Variants in OR10A2 observed in about 807,000 individuals in gnomAD.
OR10A2 encodes the protein olfactory receptor family 10 subfamily A member 2.
Under a neutral mutation model 13.7 loss-of-function variants are expected in OR10A2, and 15 were observed. The observed-to-expected ratio is 1.10, with a 90% CI of 0.73 to 1.69. OR10A2 has a LOEUF of 1.69. OR10A2 is among the 40% of genes most tolerant of loss of function. OR10A2 has a pLI of 0.00. For synonymous variants in OR10A2, 145 were observed against 144.7 expected (o/e 1.00, Z -0.02); for missense variants, 343 against 361.1 (o/e 0.95, Z 0.41).
chr11:6,865,194 GA>G (rs1437618310), intron 1 of OR10A2, among the ~76,000 whole-genome samples: 4 of 146,102 alleles, frequency 2.7e-5, no homozygotes, highest in Non-Finnish European at 6.0e-5. Flanking sequence ...TATATATTTA[GA>G]AAATTTGGAA....
rs763624340 is a variant in OR10A2 at position 6,869,924 on chromosome 11, A to T, written c.170A>T (p.Glu57Val). Residue 57 changes from glutamate to valine, a missense_variant, in exon 2 of 2, where the codon GAG becomes GTG. Glu to Val is a moderately radical substitution (Grantham distance 121). Transcript: ENST00000641461. ...TTCCTCAGAAACTTATCTTTCCTGG[A>T]GATTGGCTTCAACCTAGTCATTGTG... ...YFFLRNLSFL[E>V]IGFNLVIVPK... 10 of 1,614,024 alleles carry T rather than the reference A, an allele frequency of 6.2e-6. No individual in the cohort carries two copies. Among genetic ancestry groups the T allele is most frequent in the Non-Finnish European group, 1.7e-6 (2 of 1,180,018 alleles).
Position 6,869,881 on chromosome 11 carries a change from C to T in OR10A2, c.127C>T (p.His43Tyr), listed in dbSNP as rs747219274. The T allele has an allele frequency of 2.2e-5, 36 of 1,614,056 alleles. No individual in the cohort carries two copies. Among genetic ancestry groups the T allele is most frequent in the Non-Finnish European group, 2.8e-5 (33 of 1,180,006 alleles). ...GGTTACCCTAGCTGACCCCATGCTA[C>T]ACAGCCCCATGTACTTCTTCCTCAG... ...ILVTLADPML[H>Y]SPMYFFLRNL... The change falls in exon 2 of 2, where the codon CAC becomes TAC. Residue 43 changes from histidine to tyrosine, a missense_variant. His to Tyr is a moderately conservative substitution (Grantham distance 83). Coordinates refer to ENST00000641461, the MANE Select transcript of OR10A2 (RefSeq NM_001004460.2).
chr11:6,867,710 T>A (rs1195832959), intron 1 of OR10A2, among the ~76,000 whole-genome samples: 1 of 152,176 alleles, frequency 6.6e-6, no homozygotes, highest in African/African-American at 2.4e-5. Context: ...CTGGCTTGCC[T>A]TGGAATGACA....
Position 6,870,780 on chromosome 11 carries a change from G to C in OR10A2, c.*114G>C. ...TAAGATGAAGTCCTGTTGCTGAAAT[G>C]GCTTTTGGAAAGCTGAGTGGAGAGA... On this transcript the variant is annotated 3_prime_UTR_variant, in exon 2 of 2. Coordinates refer to ENST00000641461, the MANE Select transcript of OR10A2 (RefSeq NM_001004460.2). 1.1e-6 allele frequency: 1 copy of C among 922,426 alleles called. No homozygotes were observed. The allele number at this position is 922,426 out of a possible 1,614,324, so 57.1% of individuals were successfully genotyped here. A position where few individuals can be genotyped will look rare whatever the true frequency, so the allele number is the denominator to read the frequency against.
In OR10A2 at chr11:6,872,750, A is replaced by G. The variant is rs1400507589; in HGVS notation, c.*2084A>G. ...CAATCCTTCTGCCTGAACCTCTCAA[A>G]GTGCTGGGATTATAAGTGTGAGCCA... On this transcript the variant is annotated 3_prime_UTR_variant, in exon 2 of 2. Transcript: ENST00000641461. 1.3e-5 allele frequency: 2 copies of G among 151,868 alleles called. No homozygotes were observed. The highest frequency in any genetic ancestry group is 6.6e-5 in the Admixed American group (1 of 15,242). 9.4% of individuals were successfully genotyped at this position (151,868 alleles called of 1,614,324 possible). A position where few individuals can be genotyped will look rare whatever the true frequency, so the allele number is the denominator to read the frequency against.
rs552769418 is a variant in OR10A2 at position 6,873,535 on chromosome 11, G to C, written c.*2869G>C. On this transcript the variant is annotated 3_prime_UTR_variant, in exon 2 of 2. Transcript: ENST00000641461. ...TAGTTTCAGGGAAAGGATTCCAACA[G>C]AAGAGTGCCACATGCACAAACACAG... The C allele has an allele frequency of 6.6e-5, 10 of 152,334 alleles. No individual in the cohort carries two copies. In the East Asian group the frequency reaches 1.7e-3, roughly 26 times the overall value. 9.4% of individuals were successfully genotyped at this position (152,334 alleles called of 1,614,324 possible).
intron 1 of OR10A2, among the ~76,000 whole-genome samples, chr11:6,867,478 C>G (rs556535926): frequency 7.2e-4 from 110 of 152,264 alleles, no homozygotes; most frequent in Middle Eastern, 3.4e-3. Flanking sequence ...TCCCAAAGTG[C>G]TGGGATTACA....
In OR10A2 at chr11:6,867,352, C is replaced by G. The variant is rs1376024688; in HGVS notation, c.-132-2271C>G. ...TCAGCCTCCCAAGTAGCTGAGATTACAGCCATGTGCCACCACGGCCAGCTA... is the reference window on the plus strand; with the variant it reads ...TCAGCCTCCCAAGTAGCTGAGATTAGAGCCATGTGCCACCACGGCCAGCTA... On this transcript the variant is annotated intron_variant, in intron 1 of 1. Transcript: ENST00000641461. Among the ~76,000 whole-genome samples, 3 of 152,102 alleles carry G rather than the reference C, an allele frequency of 2.0e-5. No homozygotes were observed. The East Asian group carries it at 5.8e-4, about 29-fold the overall frequency.
intron 1 of OR10A2, among the ~76,000 whole-genome samples, chr11:6,865,919 G>A (rs2133067900): frequency 6.6e-6 from 1 of 152,188 alleles, no homozygotes. Context: ...CTTCCCTCTT[G>A]TCCCCACCCT....
chr11:6,866,862 A>G (rs1351611025), intron 1 of OR10A2, among the ~76,000 whole-genome samples: 2 of 152,178 alleles, frequency 1.3e-5, no homozygotes, highest in Non-Finnish European at 2.9e-5. Flanking sequence ...TGGTTCAAAA[A>G]GTCATCTCTT....
intron 1 of OR10A2, among the ~76,000 whole-genome samples, chr11:6,863,576 G>A (rs1183447039): frequency 6.6e-6 from 1 of 152,010 alleles, no homozygotes; most frequent in African/African-American, 2.4e-5. Context: ...CAAAAAGACT[G>A]ATATTACCCA....
At chr11:6,868,257 G>C (rs1027282037) in intron 1 of OR10A2, among the ~76,000 whole-genome samples, 12 of 151,946 alleles carry the variant, frequency 7.9e-5, no homozygotes, top group Admixed American at 5.9e-4. Flanking sequence ...AGATTCTCTG[G>C]AATTTTAAAC....
rs981567720 is a variant in OR10A2, at chr11:6,864,669, T to C, written c.-133+1318T>C. 1.6e-4 allele frequency among the ~76,000 whole-genome samples: 24 copies of C among 152,076 alleles called. 1 individual carries two copies. The Middle Eastern group carries it at 0.01, about 65-fold the overall frequency. On this transcript the variant is annotated intron_variant, in intron 1 of 1. Transcript: ENST00000641461. The stretch of plus-strand genomic sequence containing the variant: ...AGTCAGCCAGACAGAGGAGGGGATG[T>C]GCAGGCAGAAATGATGTCACATGAA...
At position 6,873,090 on chromosome 11, in the gene OR10A2, C is replaced by T. The variant is rs1054617537; in HGVS notation, c.*2424C>T. The T allele has an allele frequency of 2.0e-5, 3 of 152,092 alleles. No individual in the cohort carries two copies. Among genetic ancestry groups the T allele is most frequent in the East Asian group, 3.9e-4 (2 of 5,192 alleles). 9.4% of individuals were successfully genotyped at this position (152,092 alleles called of 1,614,324 possible). A position where few individuals can be genotyped will look rare whatever the true frequency, so the allele number is the denominator to read the frequency against. On this transcript the variant is annotated 3_prime_UTR_variant, in exon 2 of 2. Transcript: ENST00000641461. ...GCCTCCCAAGGGCTGGGATTACAGA[C>T]GTGGGCCACCATGCCAGGCCAAGTA... is the stretch of plus-strand genomic sequence containing the variant.
chr11:6,866,654 T>G (rs1277856986), intron 1 of OR10A2, among the ~76,000 whole-genome samples: 2 of 152,164 alleles, frequency 1.3e-5, no homozygotes, highest in Non-Finnish European at 2.9e-5. Context: ...TCCCTAATGG[T>G]GAATACTTTA....
intron 1 of OR10A2, among the ~76,000 whole-genome samples, chr11:6,865,130 C>T (rs1590017574): frequency 7.3e-6 from 1 of 137,034 alleles, no homozygotes; most frequent in East Asian, 2.0e-4. Flanking sequence ...CATATAATTA[C>T]AAAATTTCTT....
rs1848466188 is a variant in OR10A2, at chr11:6,874,497, G to A, written c.*3831G>A. On this transcript the variant is annotated 3_prime_UTR_variant, in exon 2 of 2. Transcript: ENST00000641461. ...TTACTACCACCCTGTACTGGATACT[G>A]GCTTGTCCTCACCTGTGGGCTCAGA... The A allele has an allele frequency of 1.5e-5, 2 of 135,092 alleles. No individual in the cohort carries two copies. Among genetic ancestry groups the A allele is most frequent in the African/African-American group, 5.0e-5 (2 of 39,900 alleles). The allele number at this position is 135,092 out of a possible 1,614,324, so 8.4% of individuals were successfully genotyped here. A position where few individuals can be genotyped will look rare whatever the true frequency, so the allele number is the denominator to read the frequency against.
At chr11:6,865,628 A>G (rs962459993) in intron 1 of OR10A2, among the ~76,000 whole-genome samples, 2 of 152,204 alleles carry the variant, frequency 1.3e-5, no homozygotes, top group Non-Finnish European at 2.9e-5. Context: ...TTCAGAGACA[A>G]TTTTTAAATA....
chr11:6,866,345 C>A (rs1274695191), intron 1 of OR10A2, among the ~76,000 whole-genome samples: 1 of 152,022 alleles, frequency 6.6e-6, no homozygotes, highest in Non-Finnish European at 1.5e-5. Flanking sequence ...ACCCTGCGGG[C>A]TGCATGCAGA....
Sources: gnomAD v4.1 joint callset for allele counts (sites outside exome capture counted in the v4.1 genomes callset) on GRCh38, gnomAD v4.1.1 for gene constraint, MANE v1.5 for transcripts, NCBI Gene and HGNC (gene_info 2026-07-23, HGNC 2026-07-21) for gene names.